Variants in PARD3 observed in about 807,000 individuals in gnomAD.
PARD3 encodes the protein partitioning defective 3 homolog.
In PARD3, 75 loss-of-function variants were observed where a neutral mutation model predicts 155.4. The ratio of observed to expected loss-of-function variants is 0.48; its 90% CI spans 0.40 to 0.58. The LOEUF (loss-of-function observed/expected upper bound fraction) is 0.58. Among genes scored for constraint, PARD3 ranks in the 20% least tolerant of loss-of-function variants. PARD3 has a pLI of 0.00. For synonymous variants in PARD3, 576 were observed against 610.5 expected, an observed-to-expected ratio of 0.94 and a Z score of 0.83; for missense variants, 1,642 against 1,721.7, an observed-to-expected ratio of 0.95 and a Z score of 0.82.
intron 20 of PARD3, among the ~76,000 whole-genome samples, chr10:34,310,918 C>A (rs150421632): frequency 2.6e-5 from 4 of 152,346 alleles, no homozygotes; most frequent in East Asian, 1.9e-4. Context: ...TATGTAAAAT[C>A]TCACTGTGTT....
intron 1 of PARD3, among the ~76,000 whole-genome samples, chr10:34,724,918 T>C (rs74132102): frequency 2.2e-4 from 33 of 152,296 alleles, no homozygotes; most frequent in African/African-American, 7.7e-4. Context: ...GCTGATTAGT[T>C]ACAAATATGA....
At chr10:34,261,837 CAA>C (rs548048647) in intron 22 of PARD3, among the ~76,000 whole-genome samples, 34 of 136,722 alleles carry the variant, frequency 2.5e-4, no homozygotes, top group Admixed American at 1.0e-3. Context: ...AACAAACAAA[CAA>C]ACAAACACAC....
chr10:34,416,148 C>G (rs555613678), intron 5 of PARD3, among the ~76,000 whole-genome samples: 5 of 152,272 alleles, frequency 3.3e-5, no homozygotes, highest in Non-Finnish European at 7.3e-5. Context: ...ATAGGACACA[C>G]CGCTTGTAAA....
intron 20 of PARD3, among the ~76,000 whole-genome samples, chr10:34,296,495 C>T (rs1485346138): frequency 2.6e-5 from 4 of 152,134 alleles, no homozygotes; most frequent in East Asian, 1.9e-4. Context: ...TCCCAAAGTG[C>T]TTGGATTAAA....
chr10:34,577,919 A>T (rs1404280669), intron 2 of PARD3, among the ~76,000 whole-genome samples: 1 of 151,884 alleles, frequency 6.6e-6, no homozygotes, highest in Non-Finnish European at 1.5e-5. Flanking sequence ...GGGCACAATC[A>T]GAGCTCGCTG....
chr10:34,544,946 G>A (rs1037661727), intron 2 of PARD3, among the ~76,000 whole-genome samples: 1 of 152,142 alleles, frequency 6.6e-6, no homozygotes, highest in Non-Finnish European at 1.5e-5. Flanking sequence ...ACAAGCCACA[G>A]GCAAGAACAC....
At chr10:34,359,843 A>T (rs1460404512) in intron 13 of PARD3, among the ~76,000 whole-genome samples, 1 of 152,160 alleles carries the variant, frequency 6.6e-6, no homozygotes, top group African/African-American at 2.4e-5. Flanking sequence ...TCATTTAACT[A>T]GCATGTCAAT....
At chr10:34,712,871 C>A (rs773095660) in intron 1 of PARD3, among the ~76,000 whole-genome samples, 57 of 152,120 alleles carry the variant, frequency 3.7e-4, no homozygotes, top group Middle Eastern at 3.4e-3. Flanking sequence ...CAGCATCATG[C>A]AATATACCCA....
In PARD3 at chr10:34,317,317, C is replaced by T. The variant is rs759205364; in HGVS notation, c.2855G>A (p.Ser952Asn). The T allele has an allele frequency of 2.5e-6, 4 of 1,606,904 alleles. No homozygotes were observed. Among genetic ancestry groups the T allele is most frequent in the Non-Finnish European group, 3.4e-6 (4 of 1,178,054 alleles). ...METLEEDTEE[S>N]SRSGRESVST... is the part of the protein sequence containing the mutation. ...TACAGACTCTCTCCCTGATCTTGAA[C>T]TTTCTTCTGTGTCTTCTTCCACTTG... The change falls in exon 20 of 25, where the codon AGT becomes AAT. Residue 952 changes from serine to asparagine, a missense_variant. Transcript: ENST00000374788.
At position 34,694,165 on chromosome 10, in the gene PARD3, AGAAAC is replaced by A. The variant is rs1272356032; in HGVS notation, c.222+2148_222+2152del. ...AAAGAGAGGGAGAAGAAAAAAAAAA[AGAAAC>A]AAAAAAAAGAAGGACGAAGAAGAAG... On this transcript the variant is annotated intron_variant, in intron 2 of 24. Coordinates refer to ENST00000374788, the MANE Select transcript of PARD3 (RefSeq NM_001184785.2). Among the ~76,000 whole-genome samples the A allele has an allele frequency of 3.6e-5, 3 of 82,366 alleles. No individual in the cohort carries two copies. The Admixed American group carries it at 4.0e-4, about 11-fold the overall frequency. 54.0% of individuals were successfully genotyped at this position (82,366 alleles called of 152,430 possible).
intron 2 of PARD3, among the ~76,000 whole-genome samples, chr10:34,603,792 C>T (rs1195241825): frequency 6.6e-6 from 1 of 152,168 alleles, no homozygotes; most frequent in African/African-American, 2.4e-5. Flanking sequence ...GTGGTACTCA[C>T]AGCAAAAAGA....
intron 16 of PARD3, among the ~76,000 whole-genome samples, 181 bp downstream of exon 16, chr10:34,341,446 C>G (rs1315950220): frequency 2.0e-5 from 3 of 151,982 alleles, no homozygotes; most frequent in African/African-American, 7.3e-5. Flanking sequence ...CTCTTGAAGG[C>G]TAAAACAATT....
chr10:34,703,854 C>T (rs191800383), intron 1 of PARD3, among the ~76,000 whole-genome samples: 26 of 152,312 alleles, frequency 1.7e-4, no homozygotes, highest in African/African-American at 6.3e-4. Context: ...AGTCCCCCAT[C>T]CTAGAATTCC....
chr10:34,454,427 T>C (rs567048976), intron 4 of PARD3, among the ~76,000 whole-genome samples: 47 of 152,312 alleles, frequency 3.1e-4, no homozygotes, highest in African/African-American at 1.0e-3. Context: ...ATATTTGCTT[T>C]AGCATAAATA....
chr10:34,480,702 C>A (rs2133197025), intron 3 of PARD3, among the ~76,000 whole-genome samples: 1 of 152,006 alleles, frequency 6.6e-6, no homozygotes, highest in South Asian at 2.1e-4. Context: ...AAATACTTCC[C>A]AATTCGTTTT....
intron 1 of PARD3, among the ~76,000 whole-genome samples, chr10:34,709,004 AT>A (rs1348293950): frequency 1.3e-5 from 2 of 152,166 alleles, no homozygotes; most frequent in Non-Finnish European, 2.9e-5. Context: ...GTGCAAAAAA[AT>A]ACACACGTAC....
chr10:34,725,151 G>GTC (rs1554820542), intron 1 of PARD3, among the ~76,000 whole-genome samples: 2 of 105,910 alleles, frequency 1.9e-5, no homozygotes, highest in Admixed American at 9.8e-5. Context: ...GTGTGTGTGT[G>GTC]ACAGAGAGAG....
intron 2 of PARD3, among the ~76,000 whole-genome samples, chr10:34,623,193 C>T (rs1000430446): frequency 3.3e-5 from 5 of 152,148 alleles, no homozygotes; most frequent in African/African-American, 1.2e-4. Flanking sequence ...ATGATACTTT[C>T]ACGGCTGTGT....
At chr10:34,446,946 CATTT>C (rs2076769249) in intron 5 of PARD3, among the ~76,000 whole-genome samples, 1 of 152,164 alleles carries the variant, frequency 6.6e-6, no homozygotes, top group Admixed American at 6.5e-5. Flanking sequence ...TTTATTCCAG[CATTT>C]AGTCAACAAA....
Sources: gnomAD v4.1 joint callset for allele counts (sites outside exome capture counted in the v4.1 genomes callset) on GRCh38, gnomAD v4.1.1 for gene constraint, MANE v1.5 for transcripts, NCBI Gene and HGNC (gene_info 2026-07-23, HGNC 2026-07-21) for gene names.